Variants in PPIH observed in about 807,000 individuals in gnomAD.
PPIH encodes the protein peptidyl-prolyl cis-trans isomerase H.
In PPIH, 16 loss-of-function variants were observed where a neutral mutation model predicts 27.6. That is an observed-to-expected ratio of 0.58 (90% CI 0.39 to 0.88). The LOEUF is 0.88. Ranked by LOEUF, PPIH falls within the 40% of genes least tolerant of loss-of-function variation. The pLI is 0.00. For synonymous variants in PPIH, 63 were observed against 76.1 expected, an observed-to-expected ratio of 0.83 and a Z score of 0.90; for missense variants, 155 against 224.1, an observed-to-expected ratio of 0.69 and a Z score of 1.97.
Position 42,659,574 on chromosome 1 carries a change from T to A in PPIH, c.200+8T>A. The A allele has an allele frequency of 6.2e-7, 1 of 1,612,180 alleles. No individual in the cohort carries two copies. Among genetic ancestry groups the A allele is most frequent in the Non-Finnish European group, 8.5e-7 (1 of 1,179,618 alleles). On this transcript the variant is annotated splice_region_variant and intron_variant, in intron 4 of 9. Transcript: ENST00000304979. ...AGGAAGCACCTTCCACAGGTAAGGC[T>A]CTTGGCAAGCCATCCTGGAGTCTTT...
intron 8 of PPIH, among the ~76,000 whole-genome samples, chr1:42,666,933 T>C (rs1649374450): frequency 6.6e-6 from 1 of 152,118 alleles, no homozygotes; most frequent in Non-Finnish European, 1.5e-5. Context: ...CTGCCATGCA[T>C]GTCCCTGCTG....
At position 42,660,988 on chromosome 1, in the gene PPIH, C is replaced by CCCA; in HGVS notation, c.243+85_243+87dup. 4.7e-6 allele frequency: 6 copies of CCCA among 1,264,094 alleles called. No homozygotes were observed. In the South Asian group the frequency reaches 7.4e-5, roughly 15 times the overall value. 78.3% of individuals were successfully genotyped at this position (1,264,094 alleles called of 1,614,324 possible). A position where few individuals can be genotyped will look rare whatever the true frequency, so the allele number is the denominator to read the frequency against. ...GCAATTGCTGTTTTTACTACAGAGACCCAGTCTTCAGGCTTGAGAACAATA... is the reference window on the plus strand; with the variant it reads ...GCAATTGCTGTTTTTACTACAGAGACCCACCAGTCTTCAGGCTTGAGAACAATA... On this transcript the variant is annotated intron_variant, in intron 5 of 9. Transcript: ENST00000304979.
At chr1:42,669,329 C>A (rs1383931909) in intron 9 of PPIH, among the ~76,000 whole-genome samples, 1 of 152,146 alleles carries the variant, frequency 6.6e-6, no homozygotes, top group Non-Finnish European at 1.5e-5. Flanking sequence ...AAATTCCACA[C>A]CTGACTTCAT....
In PPIH at chr1:42,659,243, A is replaced by C; in HGVS notation, c.147A>C (p.Gly49=). Residue 49 remains glycine (G), a synonymous_variant, in exon 3 of 10, where the codon GGA becomes GGC. Coordinates refer to ENST00000304979, the MANE Select transcript of PPIH (RefSeq NM_006347.4). The part of the protein sequence containing the change: ...TAENFRQFCT[G]EFRKDGVPIG... ...TCCCTTTCAGGCAGTTCTGCACCGG[A>C]GAATTCAGGTCAGTTTCAGATGTGT... is the stretch of plus-strand genomic sequence containing the variant. 1 of 1,614,186 alleles carries C rather than the reference A, an allele frequency of 6.2e-7. No individual in the cohort carries two copies. The highest frequency in any genetic ancestry group is 8.5e-7 in the Non-Finnish European group (1 of 1,180,042).
chr1:42,661,611 C>G (rs575775077), intron 5 of PPIH, among the ~76,000 whole-genome samples: 2 of 152,226 alleles, frequency 1.3e-5, no homozygotes, highest in African/African-American at 4.8e-5. Flanking sequence ...AATGGTCTTT[C>G]TTTACTCTTA....
intron 3 of PPIH, 98 bp downstream of exon 3, chr1:42,659,349 T>C (rs1329883281): frequency 6.2e-7 from 1 of 1,614,214 alleles, no homozygotes; most frequent in Admixed American, 1.7e-5. Context: ...CCTTGAATGA[T>C]TGCTGGTGAC....
intron 9 of PPIH, among the ~76,000 whole-genome samples, chr1:42,674,675 A>C (rs1040848351): frequency 1.3e-5 from 2 of 152,224 alleles, no homozygotes; most frequent in Non-Finnish European, 2.9e-5. Context: ...TTCTAGCAGC[A>C]TTGTGGAGGA....
chr1:42,670,944 C>T (rs972618112), intron 9 of PPIH, among the ~76,000 whole-genome samples: 12 of 152,028 alleles, frequency 7.9e-5, no homozygotes, highest in South Asian at 2.1e-4. Context: ...TACAGGCGCA[C>T]GCTGCCATGC....
chr1:42,658,811 C>T (rs376836993), intron 1 of PPIH, 33 bp from the exon 2 acceptor site: 33 of 1,611,984 alleles, frequency 2.0e-5, no homozygotes, highest in African/African-American at 1.1e-4. Context: ...TGGTCTTGGA[C>T]TGGGCCTTCT....
chr1:42,669,364 G>A (rs1378437438), intron 9 of PPIH, among the ~76,000 whole-genome samples: 2 of 152,156 alleles, frequency 1.3e-5, no homozygotes, highest in Non-Finnish European at 2.9e-5. Context: ...TCAAAAATCT[G>A]TTTCATGCAC....
Position 42,658,991 on chromosome 1 carries a change from C to T in PPIH, c.131+83C>T, listed in dbSNP as rs866824757. ...GCCGCCTGAAATAGCCTGTCTACCT[C>T]TGTCCGTCCGCTCACTGCTCTTGAG... On this transcript the variant is annotated intron_variant, in intron 2 of 9. Transcript: ENST00000304979. 4.1e-6 allele frequency: 6 copies of T among 1,476,458 alleles called. 1 individual carries two copies. The African/African-American group carries it at 6.9e-5, about 17-fold the overall frequency. The allele number at this position is 1,476,458 out of a possible 1,614,324, so 91.5% of individuals were successfully genotyped here.
At chr1:42,675,035 T>C (rs1649816205) in intron 9 of PPIH, among the ~76,000 whole-genome samples, 1 of 152,190 alleles carries the variant, frequency 6.6e-6, no homozygotes, top group Non-Finnish European at 1.5e-5. Context: ...GTTGGCAAGA[T>C]TTCTAAGGTA....
At chr1:42,674,379 A>G (rs1011685307) in intron 9 of PPIH, among the ~76,000 whole-genome samples, 5 of 152,252 alleles carry the variant, frequency 3.3e-5, no homozygotes, top group African/African-American at 9.6e-5. Flanking sequence ...AAATAATTCA[A>G]TATGACTGAA....
chr1:42,678,462 C>T (rs994516417), downstream of PPIH, among the ~76,000 whole-genome samples: 3 of 152,158 alleles, frequency 2.0e-5, no homozygotes, highest in Admixed American at 1.3e-4. Flanking sequence ...TGCAATGGCG[C>T]GATCTTGGCT....
chr1:42,659,327 A>C, intron 3 of PPIH, 76 bp downstream of exon 3: 1 of 1,614,150 alleles, frequency 6.2e-7, no homozygotes, highest in Non-Finnish European at 8.5e-7. Flanking sequence ...GTATCGGTGA[A>C]CCACCTGCTG....
chr1:42,668,589 A>T (rs1389533899), intron 9 of PPIH, among the ~76,000 whole-genome samples: 7 of 152,162 alleles, frequency 4.6e-5, no homozygotes, highest in Non-Finnish European at 1.0e-4. Context: ...TTTGTAGCTT[A>T]AAAAAAGGTG....
chr1:42,670,099 C>T (rs771013151), intron 9 of PPIH, among the ~76,000 whole-genome samples: 2 of 152,172 alleles, frequency 1.3e-5, no homozygotes, highest in Non-Finnish European at 2.9e-5. Context: ...GCATTTTAGG[C>T]GGGGAACTCG....
intron 9 of PPIH, among the ~76,000 whole-genome samples, chr1:42,675,598 C>A (rs1258009200): frequency 6.6e-6 from 1 of 152,162 alleles, no homozygotes; most frequent in Non-Finnish European, 1.5e-5. Context: ...CTTGAGGGCC[C>A]ACAGTTAAAC....
downstream of PPIH, among the ~76,000 whole-genome samples, chr1:42,678,456 A>G (rs1406939590): frequency 1.3e-5 from 2 of 152,074 alleles, no homozygotes; most frequent in African/African-American, 4.8e-5. Flanking sequence ...CTGCAGTGCA[A>G]TGGCGCGATC....
Sources: gnomAD v4.1 joint callset for allele counts (sites outside exome capture counted in the v4.1 genomes callset) on GRCh38, gnomAD v4.1.1 for gene constraint, MANE v1.5 for transcripts, NCBI Gene and HGNC (gene_info 2026-07-23, HGNC 2026-07-21) for gene names.